Variants in SNTG1 observed in about 807,000 individuals in gnomAD.
SNTG1 encodes the protein syntrophin gamma 1.
Under a neutral mutation model 74.7 loss-of-function variants are expected in SNTG1, and 39 were observed. That is an observed-to-expected ratio of 0.52 (90% CI 0.40 to 0.68). The LOEUF is 0.68. SNTG1 is among the 30% of genes least tolerant of loss of function. SNTG1 has a pLI of 0.00. For missense variants in SNTG1, 685 were observed against 609.5 expected (o/e 1.12, Z -1.30); for synonymous variants, 254 against 217.1 (o/e 1.17, Z -1.49).
At chr8:50,685,228 C>T (rs116869857) in intron 15 of SNTG1, among the ~76,000 whole-genome samples, 3,423 of 152,180 alleles carry the variant, frequency 0.022, 54 homozygotes, top group Middle Eastern at 0.041. Context: ...CTTGCTTTTC[C>T]TCCAAGAGAT....
chr8:50,659,384 A>G (rs909924951), intron 15 of SNTG1, among the ~76,000 whole-genome samples: 1 of 152,214 alleles, frequency 6.6e-6, no homozygotes. Flanking sequence ...AAATTCCTGC[A>G]TAAGGTTGAC....
chr8:50,189,539 C>A (rs1314013609), intron 2 of SNTG1, among the ~76,000 whole-genome samples: 1 of 152,096 alleles, frequency 6.6e-6, no homozygotes, highest in African/African-American at 2.4e-5. Flanking sequence ...TATAAGTTGA[C>A]TGTAATATGA....
chr8:50,574,850 A>G (rs1468183274), intron 12 of SNTG1, among the ~76,000 whole-genome samples: 1 of 152,112 alleles, frequency 6.6e-6, no homozygotes, highest in Non-Finnish European at 1.5e-5. Context: ...AAGAACATGA[A>G]TTTTTTTATT....
chr8:50,691,860 A>G lies in SNTG1; in HGVS notation c.1039-12740A>G, dbSNP rs180873046. 2.0e-3 allele frequency among the ~76,000 whole-genome samples: 312 copies of G among 152,212 alleles called. 1 individual carries two copies. Among genetic ancestry groups the G allele is most frequent in the African/African-American group, 6.9e-3 (285 of 41,516 alleles). ...GGAGAGTGTTTTCCAACTTGGTTCC[A>G]TTCTCCCTGTCACTTTCAGGAACAC... On this transcript the variant is annotated intron_variant, in intron 15 of 18. Transcript: ENST00000642720.
In SNTG1 at chr8:50,568,250, T is replaced by TGTGTGTGC. The variant is rs1563587324; in HGVS notation, c.810+15074_810+15075insTGTGCGTG. Among the ~76,000 whole-genome samples, 580 of 152,156 alleles carry TGTGTGTGC rather than the reference T, an allele frequency of 3.8e-3. 3 individuals carry two copies. The highest frequency in any genetic ancestry group is 0.013 in the African/African-American group (541 of 41,508). Reference sequence around the variant, plus strand: ...GTTTGTGTGTGTGTGTGTGTGTGTGTGTGCTATCTATTTATCCATCTATCT... The same window carrying TGTGTGTGC: ...GTTTGTGTGTGTGTGTGTGTGTGTGTGTGTGTGCGTGCTATCTATTTATCCATCTATCT... On this transcript the variant is annotated intron_variant, in intron 12 of 18. Transcript: ENST00000642720.
intron 9 of SNTG1, among the ~76,000 whole-genome samples, chr8:50,520,053 G>T (rs954675743): frequency 6.6e-6 from 1 of 152,080 alleles, no homozygotes; most frequent in African/African-American, 2.4e-5. Context: ...CTACAAGGCT[G>T]CAGTAACCAA....
chr8:50,468,160 G>C (rs1478434068), intron 8 of SNTG1, among the ~76,000 whole-genome samples: 1 of 151,818 alleles, frequency 6.6e-6, no homozygotes. Flanking sequence ...CAATAGTACT[G>C]TTCAGTCCAA....
chr8:50,650,242 T>A (rs1276438072), intron 13 of SNTG1, among the ~76,000 whole-genome samples: 1 of 152,130 alleles, frequency 6.6e-6, no homozygotes, highest in African/African-American at 2.4e-5. Context: ...CTTCGTTTTT[T>A]GAGTATGTGA....
chr8:49,963,807 A>C (rs139925504), intron 1 of SNTG1, among the ~76,000 whole-genome samples: 7 of 152,324 alleles, frequency 4.6e-5, no homozygotes, highest in African/African-American at 1.7e-4. Flanking sequence ...CTTCACAGAG[A>C]CTTCATTTTC....
At chr8:50,000,039 A>G (rs760456182) in intron 1 of SNTG1, among the ~76,000 whole-genome samples, 1 of 152,142 alleles carries the variant, frequency 6.6e-6, no homozygotes. Flanking sequence ...GAAATAAATC[A>G]TTAGTTTGGT....
chr8:50,333,753 G>A (rs772345209), intron 2 of SNTG1, among the ~76,000 whole-genome samples: 3 of 152,082 alleles, frequency 2.0e-5, no homozygotes, highest in Admixed American at 6.6e-5. Flanking sequence ...ATTTCTTAAC[G>A]TTCCCTTGAT....
At chr8:50,150,242 T>G (rs2082019234) in intron 1 of SNTG1, among the ~76,000 whole-genome samples, 1 of 152,190 alleles carries the variant, frequency 6.6e-6, no homozygotes, top group Non-Finnish European at 1.5e-5. Context: ...CACATTGATT[T>G]TGTATCCTGA....
chr8:50,450,648 C>A, intron 7 of SNTG1, 40 bp from the exon 8 acceptor site: 2 of 1,613,308 alleles, frequency 1.2e-6, no homozygotes, highest in Non-Finnish European at 1.7e-6. Context: ...ACTCAATTTA[C>A]AATATGCCAT....
chr8:50,457,464 T>G (rs1384579931), intron 8 of SNTG1, among the ~76,000 whole-genome samples: 2 of 152,352 alleles, frequency 1.3e-5, no homozygotes, highest in Non-Finnish European at 1.5e-5. Context: ...GGAGCAAATG[T>G]ACAATTTTAA....
chr8:50,064,770 T>C (rs964647542), intron 1 of SNTG1, among the ~76,000 whole-genome samples: 5 of 152,128 alleles, frequency 3.3e-5, no homozygotes, highest in African/African-American at 1.2e-4. Context: ...CCTGGCTCCT[T>C]CTTATAATTC....
intron 1 of SNTG1, among the ~76,000 whole-genome samples, chr8:50,134,554 A>G (rs1412011288): frequency 6.6e-6 from 1 of 152,184 alleles, no homozygotes; most frequent in Non-Finnish European, 1.5e-5. Context: ...TAGAAATGTA[A>G]TCAGCAAGTA....
intron 2 of SNTG1, among the ~76,000 whole-genome samples, chr8:50,351,276 G>A (rs376997144): frequency 3.2e-4 from 49 of 152,262 alleles, no homozygotes; most frequent in Non-Finnish European, 5.7e-4. Flanking sequence ...GCAAAGTCCC[G>A]AAAAACCAGG....
At position 49,912,100 on chromosome 8, in the gene SNTG1, C is replaced by G. The variant is rs1385711501; in HGVS notation, c.-234C>G. 1 of 152,166 alleles carries G rather than the reference C, an allele frequency of 6.6e-6. No homozygotes were observed. The highest frequency in any genetic ancestry group is 2.4e-5 in the African/African-American group (1 of 41,430). The allele number at this position is 152,166 out of a possible 1,614,324, so 9.4% of individuals were successfully genotyped here. ...TTGAAATGCTCAAAGGTCCACACTTCTTGAAATAAACAGAATGGTCTTGAG... is the reference window on the plus strand; with the variant it reads ...TTGAAATGCTCAAAGGTCCACACTTGTTGAAATAAACAGAATGGTCTTGAG... On this transcript the variant is annotated 5_prime_UTR_variant, in exon 1 of 19. Coordinates refer to ENST00000642720, the MANE Select transcript of SNTG1 (RefSeq NM_018967.5).
chr8:50,595,974 T>C (rs564295199), intron 13 of SNTG1, among the ~76,000 whole-genome samples: 16 of 152,176 alleles, frequency 1.1e-4, no homozygotes, highest in African/African-American at 3.8e-4. Flanking sequence ...GTTTTTATTA[T>C]ATTTGGGTAA....
Sources: allele counts gnomAD v4.1 joint callset (sites outside exome capture counted in the v4.1 genomes callset), GRCh38; gene constraint gnomAD v4.1.1; transcripts MANE v1.5; gene names NCBI Gene and HGNC (gene_info 2026-07-23, HGNC 2026-07-21).